The following SUSD4 variants were observed in gnomAD, a reference collection of about 807,000 sequenced individuals.
SUSD4 encodes the protein sushi domain-containing protein 4.
In SUSD4, 41 loss-of-function variants were observed where a neutral mutation model predicts 50.5. The ratio of observed to expected loss-of-function variants is 0.81; its 90% CI spans 0.63 to 1.05. The LOEUF is 1.05. SUSD4 is among the 50% of genes least tolerant of loss of function. The pLI is 0.00. For missense variants in SUSD4, 580 were observed against 634.7 expected (o/e 0.91, Z 0.93); for synonymous variants, 257 against 257.3 (o/e 1.00, Z 0.01).
At chr1:223,360,724 G>A (rs761128633) in intron 2 of SUSD4, among the ~76,000 whole-genome samples, 8 of 151,674 alleles carry the variant, frequency 5.3e-5, no homozygotes, top group Non-Finnish European at 8.8e-5. Flanking sequence ...TTGCCATTGC[G>A]GTGTTCCTTT....
intron 5 of SUSD4, among the ~76,000 whole-genome samples, chr1:223,248,460 A>G (rs908002268): frequency 6.6e-6 from 1 of 152,258 alleles, no homozygotes; most frequent in Non-Finnish European, 1.5e-5. Context: ...TAATGATTCC[A>G]GGAAGTTGCA....
intron 2 of SUSD4, among the ~76,000 whole-genome samples, chr1:223,316,151 G>A (rs1666174470): frequency 6.6e-6 from 1 of 152,016 alleles, no homozygotes; most frequent in African/African-American, 2.4e-5. Context: ...AGAATAACAG[G>A]GCAGAAGAGA....
At chr1:223,359,008 C>G (rs1222293363) in intron 2 of SUSD4, 1 of 470,712 alleles carries the variant, frequency 2.1e-6, no homozygotes, top group Non-Finnish European at 4.4e-6. Context: ...GAGCACAGCA[C>G]TACAGCGACA....
intron 5 of SUSD4, 142 bp downstream of exon 5, chr1:223,264,488 T>A: frequency 2.1e-6 from 3 of 1,407,220 alleles, no homozygotes; most frequent in Non-Finnish European, 2.8e-6. Flanking sequence ...GCAGCTGATC[T>A]CTGCTCTGGA....
At chr1:223,273,402 T>C (rs1221184724) in intron 3 of SUSD4, among the ~76,000 whole-genome samples, 4 of 152,222 alleles carry the variant, frequency 2.6e-5, no homozygotes, top group Non-Finnish European at 5.9e-5. Flanking sequence ...AGGAGAGGTT[T>C]AGGCATTTGC....
rs576569460 is a variant in SUSD4, at chr1:223,231,522, C to G, written c.725-2134G>C. On this transcript the variant is annotated intron_variant, in intron 5 of 8. Coordinates refer to ENST00000366878, the MANE Select transcript of SUSD4 (RefSeq NM_017982.4). This position sits in a 1 kb window ranked among gnomAD's most constrained non-coding sequence, Gnocchi z 4.2. ...GCTGGCAAATGCAGTCACACAACCCCTTGCATTTCCACAAACAGGGGCTCT... is the reference window on the plus strand; with the variant it reads ...GCTGGCAAATGCAGTCACACAACCCGTTGCATTTCCACAAACAGGGGCTCT... 2.6e-5 allele frequency among the ~76,000 whole-genome samples: 4 copies of G among 152,344 alleles called. No homozygotes were observed. The South Asian group carries it at 8.3e-4, about 32-fold the overall frequency.
chr1:223,351,205 C>T (rs1668346164), intron 2 of SUSD4, among the ~76,000 whole-genome samples: 1 of 152,252 alleles, frequency 6.6e-6, no homozygotes, highest in Non-Finnish European at 1.5e-5. Flanking sequence ...CCCGGATTGC[C>T]ACATGGTGAC....
intron 2 of SUSD4, among the ~76,000 whole-genome samples, chr1:223,325,543 A>G (rs1022274057): frequency 9.2e-5 from 14 of 152,230 alleles, no homozygotes; most frequent in African/African-American, 3.1e-4. Context: ...CAAGAGAAAG[A>G]AAGGGGGCAT....
intron 4 of SUSD4, among the ~76,000 whole-genome samples, chr1:223,266,278 T>C (rs1384237958): frequency 6.6e-6 from 1 of 152,230 alleles, no homozygotes; most frequent in Non-Finnish European, 1.5e-5. Flanking sequence ...TTTCTTGAGC[T>C]GAAAACTGAC....
rs578239478 is a variant in SUSD4, at chr1:223,316,508, A to T, written c.149-23857T>A. 1.3e-4 allele frequency among the ~76,000 whole-genome samples: 20 copies of T among 152,220 alleles called. 1 individual carries two copies. The East Asian group carries it at 3.9e-3, about 30-fold the overall frequency. ...CAGGACAGACACCAAGCAGGACTGG[A>T]CGTTTCTCCTCACCCCTGACAACTG... On this transcript the variant is annotated intron_variant, in intron 2 of 8. Coordinates refer to ENST00000366878, the MANE Select transcript of SUSD4 (RefSeq NM_017982.4).
chr1:223,226,639 C>T (rs1241524468), intron 7 of SUSD4, among the ~76,000 whole-genome samples: 1 of 152,206 alleles, frequency 6.6e-6, no homozygotes, highest in East Asian at 1.9e-4. Context: ...GGAGCCTCCT[C>T]CTCCATGAGC....
intron 3 of SUSD4, among the ~76,000 whole-genome samples, chr1:223,290,250 A>T (rs1664401784): frequency 6.6e-6 from 1 of 152,240 alleles, no homozygotes; most frequent in Admixed American, 6.5e-5. Context: ...GAAAAAAGAC[A>T]TTCTGAAAGT....
chr1:223,365,015 C>T (rs1057059511), upstream of SUSD4, among the ~76,000 whole-genome samples: 1 of 152,252 alleles, frequency 6.6e-6, no homozygotes, highest in South Asian at 2.1e-4. Context: ...GCGCGGGGCC[C>T]TCGGAGCCTT....
At chr1:223,340,552 A>C (rs1667698932) in intron 2 of SUSD4, among the ~76,000 whole-genome samples, 1 of 152,234 alleles carries the variant, frequency 6.6e-6, no homozygotes, top group African/African-American at 2.4e-5. Flanking sequence ...GGAGCTGTCA[A>C]CACGCAGTCC....
At chr1:223,364,720 C>T (rs1390333452), upstream of SUSD4, among the ~76,000 whole-genome samples, 2 of 151,438 alleles carry the variant, frequency 1.3e-5, no homozygotes, top group Non-Finnish European at 3.0e-5. The surrounding 1 kb of genome is among the most constrained non-coding windows in gnomAD (Gnocchi z 4.5). Flanking sequence ...ACCGCCGCGG[C>T]GGTGGCTGCA....
Position 223,294,251 on chromosome 1 carries a change from G to T in SUSD4, c.149-1600C>A, listed in dbSNP as rs539283196. 5.3e-5 allele frequency among the ~76,000 whole-genome samples: 8 copies of T among 152,306 alleles called. No homozygotes were observed. In the South Asian group the frequency reaches 1.7e-3, roughly 32 times the overall value. On this transcript the variant is annotated intron_variant, in intron 2 of 8. Transcript: ENST00000366878. ...CCCCAGCACAGCCTGCTGGTGCCAG[G>T]ACAGGCTGGACACCATCAAGATATG...
intron 5 of SUSD4, among the ~76,000 whole-genome samples, chr1:223,248,264 T>G (rs1661075376): frequency 6.6e-6 from 1 of 152,110 alleles, no homozygotes; most frequent in Non-Finnish European, 1.5e-5. Context: ...GTATACTGAG[T>G]GCAAAGGCAT....
At chr1:223,309,715 T>C (rs1283805265) in intron 2 of SUSD4, among the ~76,000 whole-genome samples, 3 of 152,244 alleles carry the variant, frequency 2.0e-5, no homozygotes, top group Non-Finnish European at 4.4e-5. Flanking sequence ...GCAGCTATTC[T>C]AGAATGCCTG....
chr1:223,325,831 C>T (rs1666843745), intron 2 of SUSD4, among the ~76,000 whole-genome samples: 1 of 152,024 alleles, frequency 6.6e-6, no homozygotes, highest in Non-Finnish European at 1.5e-5. Flanking sequence ...AAAGATCTCC[C>T]TACGGAGAAC....
Sources: allele counts gnomAD v4.1 joint callset (sites outside exome capture counted in the v4.1 genomes callset), GRCh38; gene constraint gnomAD v4.1.1; non-coding constraint Gnocchi (gnomAD v3.1); transcripts MANE v1.5; gene names NCBI Gene and HGNC (gene_info 2026-07-23, HGNC 2026-07-21).